Variants in AR observed in about 807,000 individuals in gnomAD.
The protein encoded by AR is dihydrotestosterone receptor.
Under a neutral mutation model 53.9 loss-of-function variants are expected in AR, and 8 were observed. The observed-to-expected ratio is 0.15, with a 90% confidence interval of 0.09 to 0.27. AR has a LOEUF of 0.27. Among genes scored for constraint, AR ranks in the 10% least tolerant of loss-of-function variants. AR has a pLI of 1.00. For synonymous variants in AR, 359 were observed against 316.4 expected, an observed-to-expected ratio of 1.13 and a Z score of -1.43; for missense variants, 639 against 742.5, an observed-to-expected ratio of 0.86 and a Z score of 1.62.
chrX:67,710,352 CTA>C (rs757267950), intron 3 of AR, among the ~76,000 whole-genome samples: 63 of 111,144 alleles, frequency 5.7e-4, no homozygotes, highest in Admixed American at 5.0e-3. Flanking sequence ...CAGTGTTTTA[CTA>C]TGTCACCCAG....
intron 3 of AR, among the ~76,000 whole-genome samples, chrX:67,710,838 A>T (rs1472279029): frequency 2.7e-5 from 3 of 111,701 alleles, no homozygotes; most frequent in African/African-American, 6.5e-5. Flanking sequence ...TTCAAATTCT[A>T]TCAAATACTA....
At position 67,546,167 on chromosome X, in the gene AR, C is replaced by T. The variant is rs199522810; in HGVS notation, c.1021C>T (p.Leu341=). The T allele has an allele frequency of 2.5e-6, 3 of 1,212,197 alleles. No homozygotes were observed. The Admixed American group carries it at 6.5e-5, about 26-fold the overall frequency. The change falls in exon 1 of 8, where the codon CTG becomes TTG. Residue 341 remains leucine (L), a synonymous_variant. Transcript: ENST00000374690. ...AAAGSSGTLE[L]PSTLSLYKSG... is the part of the protein sequence containing the mutation. ...AGCAGGGAGCTCCGGGACACTTGAA[C>T]TGCCGTCTACCCTGTCTCTCTACAA...
intron 3 of AR, among the ~76,000 whole-genome samples, chrX:67,691,288 C>T (rs1050414902): frequency 5.4e-5 from 6 of 112,055 alleles, no homozygotes; most frequent in Admixed American, 1.9e-4. Context: ...GTATAAGAGG[C>T]CTACCCTCAT....
intron 1 of AR, among the ~76,000 whole-genome samples, chrX:67,554,108 C>G (rs972308318): frequency 8.9e-6 from 1 of 112,225 alleles, no homozygotes; most frequent in African/African-American, 3.2e-5. Flanking sequence ...AAATGTTCAT[C>G]TCTTTAGAGA....
chrX:67,556,533 A>G (rs1921061361), intron 1 of AR, among the ~76,000 whole-genome samples: 1 of 111,952 alleles, frequency 8.9e-6, no homozygotes, highest in South Asian at 3.8e-4. Flanking sequence ...CATCTACTAT[A>G]TGCCAAATTC....
At chrX:67,636,780 T>C (rs1231957352) in intron 1 of AR, among the ~76,000 whole-genome samples, 1 of 111,358 alleles carries the variant, frequency 9.0e-6, no homozygotes, top group East Asian at 2.8e-4. Context: ...CTACCCAAAA[T>C]ATTTTGCTAG....
intron 3 of AR, chrX:67,695,773 GCT>G (rs1388939893): frequency 6.0e-5 from 25 of 416,392 alleles, no homozygotes; most frequent in East Asian, 8.4e-4. Context: ...ACACACACAC[GCT>G]CTCTCTCTCT....
chrX:67,729,450 A>G lies in AR; in HGVS notation c.*5609A>G, dbSNP rs2076171356. The G allele has an allele frequency of 2.3e-5, 4 of 173,626 alleles. No individual in the cohort carries two copies. The highest frequency in any genetic ancestry group is 4.4e-5 in the Non-Finnish European group (4 of 91,068). 14.3% of individuals were successfully genotyped at this position (173,626 alleles called of 1,213,427 possible). On this transcript the variant is annotated 3_prime_UTR_variant, in exon 8 of 8. Coordinates refer to ENST00000374690, the MANE Select transcript of AR (RefSeq NM_000044.6). ...CATAGAAAGAGTGGTAGATATTTGAATTTAGCAGGTGGAGTTTCATAGTAA... is the reference window on the plus strand; with the variant it reads ...CATAGAAAGAGTGGTAGATATTTGAGTTTAGCAGGTGGAGTTTCATAGTAA...
chrX:67,717,754 C>T lies in AR; in HGVS notation c.2318+132C>T, dbSNP rs182404920. 1.9e-4 allele frequency: 187 copies of T among 965,323 alleles called. 3 individuals carry two copies. The East Asian group carries it at 2.9e-3, about 15-fold the overall frequency. 79.6% of individuals were successfully genotyped at this position (965,323 alleles called of 1,213,427 possible). ...CAGTTGTCGCAGCGGATGCCCCAGC[C>T]AGCCAATCCAGTATGAGGCGGCTTT... On this transcript the variant is annotated intron_variant, in intron 5 of 7. Coordinates refer to ENST00000374690, the MANE Select transcript of AR (RefSeq NM_000044.6).
At chrX:67,610,425 A>C (rs1923825105) in intron 1 of AR, among the ~76,000 whole-genome samples, 1 of 111,111 alleles carries the variant, frequency 9.0e-6, no homozygotes, top group African/African-American at 3.3e-5. Flanking sequence ...CTGAAAAAAA[A>C]GGTATGAAAA....
chrX:67,693,995 G>A (rs2076007918), intron 3 of AR, among the ~76,000 whole-genome samples: 1 of 111,516 alleles, frequency 9.0e-6, no homozygotes, highest in South Asian at 3.8e-4. Context: ...ACTGGCATTT[G>A]GATCTAAGAA....
At chrX:67,632,470 G>A (rs1438882087) in intron 1 of AR, among the ~76,000 whole-genome samples, 2 of 112,508 alleles carry the variant, frequency 1.8e-5, no homozygotes, top group African/African-American at 6.5e-5. Context: ...CGCTTCCCGA[G>A]TGAGGCAATG....
At chrX:67,713,890 C>T (rs192021827) in intron 4 of AR, among the ~76,000 whole-genome samples, 261 of 112,120 alleles carry the variant, frequency 2.3e-3, no homozygotes, top group African/African-American at 7.7e-3. Flanking sequence ...AAAAGAATAG[C>T]TTCAAAAGAA....
chrX:67,589,687 G>A (rs552351269), intron 1 of AR, among the ~76,000 whole-genome samples: 1 of 112,044 alleles, frequency 8.9e-6, no homozygotes, highest in South Asian at 3.7e-4. Context: ...GAGAATTATA[G>A]GAGTCCTCTC....
intron 3 of AR, among the ~76,000 whole-genome samples, chrX:67,705,106 T>C (rs2076060317): frequency 8.9e-6 from 1 of 111,754 alleles, no homozygotes; most frequent in Admixed American, 9.5e-5. Flanking sequence ...TTCTTTTGGC[T>C]TAGGATTGTC....
In AR at chrX:67,546,514, T is replaced by TGGC. The variant is rs746853821; in HGVS notation, c.1418_1420dup (p.Gly473dup). The TGGC allele has an allele frequency of 0.19, 103,403 of 541,667 alleles. 8,015 individuals carry two copies. The highest frequency in any genetic ancestry group is 0.22 in the Non-Finnish European group (88,249 of 399,481). The allele number at this position is 541,667 out of a possible 1,213,427, so 44.6% of individuals were successfully genotyped here. On this transcript the variant is annotated inframe_insertion, in exon 1 of 8. Transcript: ENST00000374690. ...GACCGTGTGGTGGTGGTGGGGGTGG[T>TGGC]GGCGGCGGCGGCGGCGGCGGCGGCG...
At chrX:67,665,697 A>T (rs1927228675) in intron 2 of AR, among the ~76,000 whole-genome samples, 1 of 111,463 alleles carries the variant, frequency 9.0e-6, no homozygotes, top group African/African-American at 3.3e-5. Context: ...TGATGGTGTG[A>T]GCATTTGACA....
chrX:67,722,727 G>A, intron 6 of AR, 100 bp from the exon 7 acceptor site: 1 of 1,016,612 alleles, frequency 9.8e-7, no homozygotes, highest in Non-Finnish European at 1.4e-6. Context: ...GTTCCCTGTG[G>A]GGGTGGGGGT....
intron 2 of AR, among the ~76,000 whole-genome samples, chrX:67,648,156 T>A (rs753552913): frequency 9.0e-6 from 1 of 111,552 alleles, no homozygotes; most frequent in South Asian, 3.8e-4. Flanking sequence ...CCTGGCCTAG[T>A]GGCTTCTTGG....
Sources: gnomAD v4.1 joint callset for allele counts (sites outside exome capture counted in the v4.1 genomes callset) on GRCh38, gnomAD v4.1.1 for gene constraint, MANE v1.5 for transcripts, NCBI Gene and HGNC (gene_info 2026-07-23, HGNC 2026-07-21) for gene names.